The following SLC38A12 variants were observed in gnomAD, a reference collection of about 807,000 sequenced individuals.
SLC38A12 encodes the protein solute carrier family 38 member 12, also known as putative sodium-coupled neutral amino acid transporter 12.
chr17:74,822,213 G>A, the SLC38A12 span, among the ~76,000 whole-genome samples: 1 of 152,230 alleles, frequency 6.6e-6, no homozygotes, highest in Non-Finnish European at 1.5e-5. Context: ...TCTGTGGCCA[G>A]CAGGGCCCCG....
At chr17:74,821,630 T>C in the SLC38A12 span, among the ~76,000 whole-genome samples, 3 of 152,110 alleles carry the variant, frequency 2.0e-5, no homozygotes, top group African/African-American at 7.2e-5. Context: ...TTATATGAAG[T>C]ATTTGAGAGC....
chr17:74,815,264 G>T, the SLC38A12 span, among the ~76,000 whole-genome samples: 1 of 152,180 alleles, frequency 6.6e-6, no homozygotes, highest in Admixed American at 6.5e-5. Context: ...AGCTTGGGCA[G>T]TGATGTTATC....
At chr17:74,803,015 A>C in the SLC38A12 span, among the ~76,000 whole-genome samples, 1 of 152,206 alleles carries the variant, frequency 6.6e-6, no homozygotes, top group East Asian at 1.9e-4. Context: ...TGACCCACAC[A>C]CACCCAGCAT....
the SLC38A12 span, chr17:74,837,090 C>T: frequency 3.0e-6 from 3 of 1,001,060 alleles, no homozygotes; most frequent in South Asian, 4.6e-5. Flanking sequence ...CTCCCCTCTC[C>T]TGCCCCATCC....
At chr17:74,819,915 C>T in the SLC38A12 span, 11 of 1,368,590 alleles carry the variant, frequency 8.0e-6, no homozygotes, top group Admixed American at 1.7e-5. Flanking sequence ...CATGAGAGGC[C>T]GTGCAGGGCC....
chr17:74,835,882 G>A, the SLC38A12 span: 1 of 1,555,736 alleles, frequency 6.4e-7, no homozygotes, highest in Non-Finnish European at 8.7e-7. Context: ...TCAAGGTAGG[G>A]CCGTGCCTGT....
chr17:74,822,507 C>T, the SLC38A12 span, among the ~76,000 whole-genome samples: 1 of 152,218 alleles, frequency 6.6e-6, no homozygotes, highest in Non-Finnish European at 1.5e-5. Flanking sequence ...TTGGTGGTGA[C>T]ATTGTTGTCT....
chr17:74,777,068 A>G, the SLC38A12 span, among the ~76,000 whole-genome samples: 1 of 152,216 alleles, frequency 6.6e-6, no homozygotes, highest in Non-Finnish European at 1.5e-5. Context: ...CTGCACAGCA[A>G]GGGAAATGTT....
the SLC38A12 span, among the ~76,000 whole-genome samples, chr17:74,785,278 T>G: frequency 2.0e-5 from 3 of 152,146 alleles, no homozygotes; most frequent in Non-Finnish European, 4.4e-5. Flanking sequence ...CATCCATGTG[T>G]TCATGTTTGG....
chr17:74,830,353 G>A, the SLC38A12 span, among the ~76,000 whole-genome samples: 18 of 152,228 alleles, frequency 1.2e-4, no homozygotes, highest in Non-Finnish European at 2.2e-4. Flanking sequence ...CGTTTGGCAG[G>A]TGTTCAGAGT....
the SLC38A12 span, among the ~76,000 whole-genome samples, chr17:74,825,702 C>T: frequency 2.0e-5 from 3 of 152,202 alleles, no homozygotes; most frequent in Non-Finnish European, 2.9e-5. Flanking sequence ...CCCAGCTGTC[C>T]GGGCACTGAC....
chr17:74,794,401 A>T, the SLC38A12 span, among the ~76,000 whole-genome samples: 1 of 152,196 alleles, frequency 6.6e-6, no homozygotes, highest in African/African-American at 2.4e-5. Context: ...TGCTTCCCGT[A>T]AGAAGGAAAG....
the SLC38A12 span, among the ~76,000 whole-genome samples, chr17:74,803,966 C>G: frequency 6.6e-5 from 10 of 152,248 alleles, no homozygotes; most frequent in African/African-American, 2.4e-4. Context: ...TCTGTGGAAT[C>G]TAGCAACCTC....
At chr17:74,777,014 C>T in the SLC38A12 span, among the ~76,000 whole-genome samples, 3 of 152,212 alleles carry the variant, frequency 2.0e-5, no homozygotes, top group Admixed American at 2.0e-4. Flanking sequence ...CACTTGCACC[C>T]CGAGCAGCAT....
At chr17:74,802,717 T>G in the SLC38A12 span, among the ~76,000 whole-genome samples, 12 of 152,240 alleles carry the variant, frequency 7.9e-5, no homozygotes, top group Admixed American at 2.0e-4. Context: ...CCTTTGAGGA[T>G]CGTGTCAGTG....
chr17:74,783,071 A>C, the SLC38A12 span, among the ~76,000 whole-genome samples: 2 of 152,364 alleles, frequency 1.3e-5, no homozygotes, highest in East Asian at 3.9e-4. Flanking sequence ...GCAAGGTTGC[A>C]GTGAGCCAAG....
the SLC38A12 span, among the ~76,000 whole-genome samples, chr17:74,799,472 A>G: frequency 6.6e-6 from 1 of 152,228 alleles, no homozygotes; most frequent in Non-Finnish European, 1.5e-5. Context: ...TCCGGGGCAC[A>G]GGTGACTCAG....
the SLC38A12 span, chr17:74,791,152 G>A: frequency 9.9e-5 from 86 of 865,276 alleles, no homozygotes; most frequent in African/African-American, 1.4e-3. Context: ...GGCAGAGCAG[G>A]TGGTAGAGCT....
chr17:74,782,856 G>C, the SLC38A12 span, among the ~76,000 whole-genome samples: 2 of 152,194 alleles, frequency 1.3e-5, no homozygotes, highest in Non-Finnish European at 2.9e-5. Flanking sequence ...AGGGCTGGGC[G>C]TGTTGGCTCA....
Sources: allele counts gnomAD v4.1 joint callset (sites outside exome capture counted in the v4.1 genomes callset), GRCh38; gene constraint gnomAD v4.1.1; transcripts MANE v1.5; gene names NCBI Gene and HGNC (gene_info 2026-07-23, HGNC 2026-07-21).